The following MVB12A variants were observed in gnomAD, a reference collection of about 807,000 sequenced individuals.
MVB12A encodes the protein CIN85/CD2AP family binding protein.
In MVB12A, 30 loss-of-function variants were observed where a neutral mutation model predicts 34.3. The observed-to-expected ratio is 0.88, with a 90% CI of 0.65 to 1.19. MVB12A has a LOEUF of 1.19. Among genes scored for constraint, MVB12A ranks in the 50% most tolerant of loss-of-function variants. The pLI, the probability that MVB12A is intolerant of heterozygous loss-of-function variation, is 0.00. For missense variants in MVB12A, 355 were observed against 369.2 expected, an observed-to-expected ratio of 0.96 and a Z score of 0.31; for synonymous variants, 158 against 158.9, an observed-to-expected ratio of 0.99 and a Z score of 0.04.
In MVB12A at chr19:17,420,221, G is replaced by C. The variant is rs768209524; in HGVS notation, c.86G>C (p.Ser29Thr). Reference sequence around the variant, plus strand: ...TCTGCACCCCCGCCGCGGGGGTTCAGCGCGGTGAGCGGCGTCGAGGGGCGG... The same window carrying C: ...TCTGCACCCCCGCCGCGGGGGTTCACCGCGGTGAGCGGCGTCGAGGGGCGG... ...SASAPPPRGF[S>T]AISCTVEGAP... is the part of the protein sequence containing the mutation. The change falls in exon 1 of 9, where the codon AGC (serine) becomes ACC (threonine). Residue 29 changes from serine to threonine, a missense_variant. Transcript: ENST00000317040. The C allele has an allele frequency of 6.7e-7, 1 of 1,490,170 alleles. No homozygotes were observed. The allele number at this position is 1,490,170 out of a possible 1,614,324, so 92.3% of individuals were successfully genotyped here.
At chr19:17,423,423 G>C in intron 4 of MVB12A, 75 bp from the exon 5 acceptor site, 1 of 1,467,762 alleles carries the variant, frequency 6.8e-7, no homozygotes. Context: ...CGGGTCCCCC[G>C]CCTTCTCCAG....
chr19:17,423,927 G>C (rs903974974), intron 6 of MVB12A, 79 bp from the exon 7 acceptor site: 16 of 1,578,352 alleles, frequency 1.0e-5, no homozygotes, highest in Non-Finnish European at 1.4e-5. Context: ...GAAGGAGCCA[G>C]GCTGTGCGGG....
chr19:17,410,529 T>C (rs865882350), intron 2 of MVB12A, among the ~76,000 whole-genome samples: 1,754 of 74,418 alleles, frequency 0.024, 193 homozygotes, highest in African/African-American at 0.092. Flanking sequence ...TATATATATA[T>C]ACACACACAC....
Position 17,420,076 on chromosome 19 carries a change from AG to A in MVB12A, c.-58del. 2.0e-6 allele frequency: 2 copies of A among 986,364 alleles called. No homozygotes were observed. The highest frequency in any genetic ancestry group is 2.5e-6 in the Non-Finnish European group (2 of 800,208). The allele number at this position is 986,364 out of a possible 1,614,324, so 61.1% of individuals were successfully genotyped here. A position where few individuals can be genotyped will look rare whatever the true frequency, so the allele number is the denominator to read the frequency against. On this transcript the variant is annotated 5_prime_UTR_variant, in exon 1 of 9. Transcript: ENST00000317040. ...TTCGGTCGCGAGCGCTGCCGTCGGGAGGCGCTCCGAGGTTCGAGGCTGTGCC... is the reference window on the plus strand; with the variant it reads ...TTCGGTCGCGAGCGCTGCCGTCGGGAGCGCTCCGAGGTTCGAGGCTGTGCC...
chr19:17,406,049 G>GGGGGCGGGGCCTGGGTCTT (rs2074726391), intron 1 of MVB12A: 1 of 155,580 alleles, frequency 6.4e-6, no homozygotes, highest in Non-Finnish European at 1.4e-5. Context: ...GCCTGGGTCT[G>GGGGGCGGGGCCTGGGTCTT]ACCCCAGGGA....
Position 17,423,575 on chromosome 19 carries a change from G to A in MVB12A, c.491G>A (p.Arg164Gln), listed in dbSNP as rs77849577. 6.1e-4 allele frequency: 984 copies of A among 1,614,108 alleles called. 6 individuals are homozygous for A. The African/African-American group carries it at 0.012, about 19-fold the overall frequency. ...GTGCCCAAGCCCCGAGGTCTCAGCC[G>A]GGACATGCAGGGCCTCTCTCTGGAT... ...RPVPKPRGLS[R>Q]DMQGLSLDAA... The change falls in exon 5 of 9, where the codon CGG (arginine) becomes CAG (glutamine). Residue 164 changes from arginine to glutamine, a missense_variant. Coordinates refer to ENST00000317040, the MANE Select transcript of MVB12A (RefSeq NM_138401.4).
Position 17,410,529 on chromosome 19 carries a change from T to TATACACACAC in MVB12A, c.-5+4234_-5+4235insTACACACACA. Among the ~76,000 whole-genome samples, 62 of 74,430 alleles carry TATACACACAC rather than the reference T, an allele frequency of 8.3e-4. 1 individual carries two copies. Among genetic ancestry groups the TATACACACAC allele is most frequent in the African/African-American group, 4.0e-3 (60 of 15,110 alleles). The allele number at this position is 74,430 out of a possible 152,430, so 48.8% of individuals were successfully genotyped here. A position where few individuals can be genotyped will look rare whatever the true frequency, so the allele number is the denominator to read the frequency against. Reference sequence around the variant, plus strand: ...ATATATATATATATATATATATATATACACACACACATATATATATACACA... The same window carrying TATACACACAC: ...ATATATATATATATATATATATATATATACACACACACACACACACATATATATATACACA... On this transcript the variant is annotated intron_variant, in intron 2 of 6. Transcript: ENST00000528604.
chr19:17,413,220 G>C (rs2074779725), intron 2 of MVB12A: 1 of 152,174 alleles, frequency 6.6e-6, no homozygotes, highest in African/African-American at 2.4e-5. Context: ...CTTTGGTACA[G>C]ACGCGGTGGT....
At chr19:17,421,894 T>C (rs1599607723) in intron 3 of MVB12A, 1 of 152,338 alleles carries the variant, frequency 6.6e-6, no homozygotes, top group African/African-American at 2.4e-5. Context: ...TGAGCTGAGA[T>C]TGCGCCATTG....
In MVB12A at chr19:17,425,319, AC is replaced by A. The variant is rs1437887431; in HGVS notation, c.*329del. On this transcript the variant is annotated 3_prime_UTR_variant, in exon 9 of 9. Coordinates refer to ENST00000317040, the MANE Select transcript of MVB12A (RefSeq NM_138401.4). Reference sequence around the variant, plus strand: ...GGGTGTCCTCCTGGCAATAAACACTACCCGGTTCTCGCCCTCTGGAGTCCTG... The same window carrying A: ...GGGTGTCCTCCTGGCAATAAACACTACCGGTTCTCGCCCTCTGGAGTCCTG... 3 of 330,822 alleles carry A rather than the reference AC, an allele frequency of 9.1e-6. No individual in the cohort carries two copies. The highest frequency in any genetic ancestry group is 1.1e-5 in the Non-Finnish European group (2 of 179,830). 20.5% of individuals were successfully genotyped at this position (330,822 alleles called of 1,614,324 possible).
rs2074829135 is a variant in MVB12A at position 17,420,238 on chromosome 19, G to A, written c.90+13G>A. 21 of 1,504,118 alleles carry A rather than the reference G, an allele frequency of 1.4e-5. No homozygotes were observed. The highest frequency in any genetic ancestry group is 1.9e-5 in the Non-Finnish European group (21 of 1,131,454). The allele number at this position is 1,504,118 out of a possible 1,614,324, so 93.2% of individuals were successfully genotyped here. A position where few individuals can be genotyped will look rare whatever the true frequency, so the allele number is the denominator to read the frequency against. On this transcript the variant is annotated intron_variant, in intron 1 of 8. Coordinates refer to ENST00000317040, the MANE Select transcript of MVB12A (RefSeq NM_138401.4). ...GGGGTTCAGCGCGGTGAGCGGCGTC[G>A]AGGGGCGGGGGTCGAATGGGGGAGG... is the stretch of plus-strand genomic sequence containing the variant.
At chr19:17,405,787 A>G in intron 1 of MVB12A, 1 of 484,774 alleles carries the variant, frequency 2.1e-6, no homozygotes, top group Admixed American at 4.0e-5. Context: ...CTTTTTTTTC[A>G]CCCTGCTTTA....
At chr19:17,424,518 A>C in intron 7 of MVB12A, 103 bp from the exon 8 acceptor site, 5 of 1,151,700 alleles carry the variant, frequency 4.3e-6, no homozygotes, top group Non-Finnish European at 5.1e-6. Context: ...GTCCGAGGGA[A>C]TATTCGGGGA....
intron 4 of MVB12A, 152 bp from the exon 5 acceptor site, chr19:17,423,346 C>T (rs1043332845): frequency 2.6e-5 from 27 of 1,026,022 alleles, no homozygotes; most frequent in South Asian, 1.0e-4. Flanking sequence ...GCAACATGAG[C>T]GAAACTCCGT....
intron 3 of MVB12A, chr19:17,422,085 G>A (rs1279269000): frequency 5.5e-6 from 2 of 366,752 alleles, no homozygotes; most frequent in Non-Finnish European, 9.9e-6. Context: ...TCCACAGCTA[G>A]CCACCCCATG....
At chr19:17,423,906 CTGT>C in intron 6 of MVB12A, 97 bp from the exon 7 acceptor site, 1 of 1,568,980 alleles carries the variant, frequency 6.4e-7, no homozygotes, top group Non-Finnish European at 8.8e-7. Flanking sequence ...ACTCTGGATT[CTGT>C]AAAGACTGAA....
intron 2 of MVB12A, among the ~76,000 whole-genome samples, chr19:17,412,562 C>T (rs2074775919): frequency 1.3e-5 from 2 of 152,190 alleles, no homozygotes; most frequent in Non-Finnish European, 2.9e-5. Context: ...CCACTGCCCC[C>T]AGCCAACCTC....
chr19:17,420,015 GCC>G (rs201855095), upstream of MVB12A: 4,245 of 223,444 alleles, frequency 0.019, 288 homozygotes, highest in East Asian at 0.079. Flanking sequence ...GGCAATCTCC[GCC>G]CCCCCCCCCC....
Position 17,420,183 on chromosome 19 carries a change from C to G in MVB12A, c.48C>G (p.Ala16=), listed in dbSNP as rs1425009024. ...GTDSAPLAGL[A]WSSASAPPPR... is the part of the protein sequence containing the mutation. ...ACTCGGCGCCGCTGGCTGGCCTGGC[C>G]TGGTCGTCGGCCTCTGCACCCCCGC... Residue 16 remains alanine, a synonymous_variant, in exon 1 of 9, where the codon GCC becomes GCG. Transcript: ENST00000317040. The G allele has an allele frequency of 7.0e-7, 1 of 1,436,104 alleles. No homozygotes were observed. 89.0% of individuals were successfully genotyped at this position (1,436,104 alleles called of 1,614,324 possible). A position where few individuals can be genotyped will look rare whatever the true frequency, so the allele number is the denominator to read the frequency against.
Sources: gnomAD v4.1 joint callset for allele counts (sites outside exome capture counted in the v4.1 genomes callset) on GRCh38, gnomAD v4.1.1 for gene constraint, MANE v1.5 for transcripts, NCBI Gene and HGNC (gene_info 2026-07-23, HGNC 2026-07-21) for gene names.